The following ANO2 variants were observed in gnomAD, a reference collection of about 807,000 sequenced individuals.
ANO2 encodes anoctamin 2.
Under a neutral mutation model 124.2 loss-of-function variants are expected in ANO2, and 101 were observed. The observed-to-expected ratio is 0.81, with a 90% CI of 0.69 to 0.96. ANO2 has a LOEUF of 0.96. ANO2 is among the 40% of genes least tolerant of loss of function. ANO2 has a pLI of 0.00. For synonymous variants in ANO2, 486 were observed against 482.5 expected (o/e 1.01, Z -0.09); for missense variants, 1,293 against 1,274.5 (o/e 1.01, Z -0.22).
chr12:5,658,278 G>C lies in ANO2; in HGVS notation c.1546-10477C>G, dbSNP rs1269451392. ...AGATTGAAAATAGTGCCAACGGTAT[G>C]AGATTGCTGCTATGGAGATGAAATG... On this transcript the variant is annotated intron_variant, in intron 14 of 24. Transcript: ENST00000682330. The surrounding 1 kb of genome is among the most constrained non-coding windows in gnomAD (Gnocchi z 4.3). Among the ~76,000 whole-genome samples the C allele has an allele frequency of 6.6e-6, 1 of 152,174 alleles. No individual in the cohort carries two copies. The highest frequency in any genetic ancestry group is 1.5e-5 in the Non-Finnish European group (1 of 68,042).
chr12:5,781,742 C>T (rs1202430693), intron 10 of ANO2, among the ~76,000 whole-genome samples: 1 of 152,198 alleles, frequency 6.6e-6, no homozygotes, highest in Non-Finnish European at 1.5e-5. Flanking sequence ...AAATGCAAGG[C>T]AGCAGGCAAG....
intron 4 of ANO2, among the ~76,000 whole-genome samples, chr12:5,837,617 G>A (rs1954372277): frequency 6.6e-6 from 1 of 151,604 alleles, no homozygotes; most frequent in Non-Finnish European, 1.5e-5. Context: ...GAGAATGATG[G>A]TACATGACGA....
intron 11 of ANO2, among the ~76,000 whole-genome samples, chr12:5,746,589 C>T (rs1290512594): frequency 2.0e-5 from 3 of 152,126 alleles, no homozygotes; most frequent in Admixed American, 2.0e-4. Flanking sequence ...GCTATAAATC[C>T]AATGCTGTAT....
chr12:5,603,196 T>G (rs1944026301), intron 19 of ANO2, among the ~76,000 whole-genome samples: 1 of 152,156 alleles, frequency 6.6e-6, no homozygotes, highest in South Asian at 2.1e-4. Flanking sequence ...GAACAGAGGA[T>G]TCCTAGAAAT....
Position 5,587,071 on chromosome 12 carries a change from C to T in ANO2, c.2234-8553G>A, listed in dbSNP as rs535124581. ...ACGTCTGCAGAGTCCAACTGACAGC[C>T]CGTCCCCACACCCAGCCGGCCCAAA... On this transcript the variant is annotated intron_variant, in intron 20 of 24. Coordinates refer to ENST00000682330, the MANE Select transcript of ANO2 (RefSeq NM_001364791.2). Among the ~76,000 whole-genome samples, 3 of 152,270 alleles carry T rather than the reference C, an allele frequency of 2.0e-5. No individual in the cohort carries two copies. In the South Asian group the frequency reaches 6.2e-4, roughly 32 times the overall value.
Position 5,718,161 on chromosome 12 carries a change from C to T in ANO2, c.1545+14359G>A, listed in dbSNP as rs115220778. Among the ~76,000 whole-genome samples, 519 of 152,358 alleles carry T rather than the reference C, an allele frequency of 3.4e-3. 2 individuals carry two copies. Among genetic ancestry groups the T allele is most frequent in the African/African-American group, 0.012 (496 of 41,574 alleles). On this transcript the variant is annotated intron_variant, in intron 14 of 24. Transcript: ENST00000682330. ...TCGAGAGGGAAAGAACACAAATGTGCTCCACGTTCTGAAACATATTCTTCA... is the reference window on the plus strand; with the variant it reads ...TCGAGAGGGAAAGAACACAAATGTGTTCCACGTTCTGAAACATATTCTTCA...
At chr12:5,735,348 C>G (rs535932809) in intron 13 of ANO2, among the ~76,000 whole-genome samples, 7 of 152,238 alleles carry the variant, frequency 4.6e-5, no homozygotes, top group Admixed American at 3.9e-4. Flanking sequence ...GAACCCAAGC[C>G]TGCTCAGGAC....
At chr12:5,734,397 T>A (rs1329560091) in intron 13 of ANO2, among the ~76,000 whole-genome samples, 1 of 152,214 alleles carries the variant, frequency 6.6e-6, no homozygotes, top group African/African-American at 2.4e-5. Flanking sequence ...CTTAGCAGTA[T>A]CTTTCAGTGA....
intron 1 of ANO2, among the ~76,000 whole-genome samples, chr12:5,928,467 C>T (rs1167752459): frequency 4.1e-5 from 4 of 98,182 alleles, no homozygotes; most frequent in Non-Finnish European, 7.3e-5. Flanking sequence ...TACTTTCCTT[C>T]GTCACTAGTC....
intron 7 of ANO2, among the ~76,000 whole-genome samples, chr12:5,808,174 C>G (rs1185892654): frequency 6.6e-6 from 1 of 152,232 alleles, no homozygotes; most frequent in Non-Finnish European, 1.5e-5. Context: ...TGAAGTTACC[C>G]TGAGACCAAA....
intron 19 of ANO2, among the ~76,000 whole-genome samples, chr12:5,610,858 A>C (rs1422434524): frequency 1.5e-5 from 2 of 136,788 alleles, no homozygotes; most frequent in Non-Finnish European, 3.2e-5. Flanking sequence ...ACACACACAC[A>C]CAACCCTAAG....
chr12:5,643,642 T>C (rs1946496804), intron 15 of ANO2, among the ~76,000 whole-genome samples: 1 of 152,174 alleles, frequency 6.6e-6, no homozygotes, highest in Non-Finnish European at 1.5e-5. Context: ...ATCCAAAGTG[T>C]TTTTGTTTTT....
intron 14 of ANO2, among the ~76,000 whole-genome samples, chr12:5,677,976 G>C (rs1306947572): frequency 6.6e-6 from 1 of 152,098 alleles, no homozygotes; most frequent in African/African-American, 2.4e-5. Flanking sequence ...GTTTGGACAA[G>C]ATAAGCAGGA....
At chr12:5,854,864 T>C (rs1245595467) in intron 3 of ANO2, among the ~76,000 whole-genome samples, 2 of 152,008 alleles carry the variant, frequency 1.3e-5, no homozygotes, top group African/African-American at 4.8e-5. Flanking sequence ...ATCTGGCCCT[T>C]GTCACTATGA....
intron 14 of ANO2, among the ~76,000 whole-genome samples, chr12:5,648,986 AT>A (rs1425156095): frequency 6.6e-6 from 1 of 152,292 alleles, no homozygotes; most frequent in East Asian, 1.9e-4. Context: ...ATACTAAAAG[AT>A]TTCTTTCTAA....
chr12:5,884,488 G>T (rs576724946), intron 3 of ANO2, among the ~76,000 whole-genome samples: 3 of 152,354 alleles, frequency 2.0e-5, no homozygotes, highest in African/African-American at 7.2e-5. Flanking sequence ...CTGAAGGCAG[G>T]ATTTGATAGG....
chr12:5,927,515 G>A (rs7399302), intron 1 of ANO2, among the ~76,000 whole-genome samples: 55,346 of 151,962 alleles, frequency 0.36, 12,553 homozygotes, highest in East Asian at 0.79. Flanking sequence ...CTCCTTTCTG[G>A]GCCTGCCCAA....
In ANO2 at chr12:5,908,379, G is replaced by A. The variant is rs1212120776; in HGVS notation, c.534+12661C>T. Among the ~76,000 whole-genome samples, 1 of 152,210 alleles carries A rather than the reference G, an allele frequency of 6.6e-6. No homozygotes were observed. Among genetic ancestry groups the A allele is most frequent in the Non-Finnish European group, 1.5e-5 (1 of 68,052 alleles). On this transcript the variant is annotated intron_variant, in intron 3 of 24. Transcript: ENST00000682330. The surrounding 1 kb of genome is among the most constrained non-coding windows in gnomAD (Gnocchi z 4.7). ...AAACAGACCTCAGCCCTTACCACCT[G>A]AGAATAATCAATTCCTGAGTGGAAA...
chr12:5,579,432 G>A (rs957559953), intron 20 of ANO2, among the ~76,000 whole-genome samples: 1 of 152,190 alleles, frequency 6.6e-6, no homozygotes, highest in Admixed American at 6.5e-5. Flanking sequence ...TTTTCTTGAG[G>A]ATTAAGTCAA....
Sources: gnomAD v4.1 joint callset for allele counts (sites outside exome capture counted in the v4.1 genomes callset) on GRCh38, gnomAD v4.1.1 for gene constraint, Gnocchi (gnomAD v3.1) non-coding constraint, MANE v1.5 for transcripts, NCBI Gene and HGNC (gene_info 2026-07-23, HGNC 2026-07-21) for gene names.